Variants in ZKSCAN5 observed in about 807,000 individuals in gnomAD.
ZKSCAN5 encodes zinc finger protein with KRAB and SCAN domains 5.
A neutral mutation model predicts 60.0 loss-of-function variants in ZKSCAN5; 28 were observed. The ratio of observed to expected loss-of-function variants is 0.47; its 90% CI spans 0.35 to 0.64. ZKSCAN5 has a LOEUF of 0.64. Ranked by LOEUF, ZKSCAN5 falls within the 30% of genes least tolerant of loss-of-function variation. The pLI is 0.01. For missense variants in ZKSCAN5, 881 were observed against 1,034.6 expected (o/e 0.85, Z 2.04); for synonymous variants, 361 against 371.2 (o/e 0.97, Z 0.31).
chr7:99,528,431 C>T (rs1314380876), intron 6 of ZKSCAN5, among the ~76,000 whole-genome samples: 4 of 151,972 alleles, frequency 2.6e-5, no homozygotes, highest in African/African-American at 4.8e-5. Flanking sequence ...GGGGCGGGGG[C>T]GTTTTTGTAT....
rs770300543 is a variant in ZKSCAN5, at chr7:99,526,300, C to T, written c.1260C>T (p.His420=). The T allele has an allele frequency of 3.1e-6, 5 of 1,612,446 alleles. No homozygotes were observed. Among genetic ancestry groups the T allele is most frequent in the Non-Finnish European group, 4.2e-6 (5 of 1,180,022 alleles). The change falls in exon 6 of 7, where the codon CAC becomes CAT. Residue 420 remains histidine, a synonymous_variant. Coordinates refer to ENST00000326775, the MANE Select transcript of ZKSCAN5 (RefSeq NM_145102.4). ...AFRVSSHLVQ[H]HSVHSGERPY... ...GGGTGAGTTCCCACCTGGTTCAGCACCACAGTGTCCACAGCGGAGAGAGGC... is the reference window on the plus strand; with the variant it reads ...GGGTGAGTTCCCACCTGGTTCAGCATCACAGTGTCCACAGCGGAGAGAGGC...
rs1434672162 is a variant in ZKSCAN5, at chr7:99,531,940, A to G, written c.2211A>G (p.Arg737=). Residue 737 remains arginine (R), a synonymous_variant, in exon 7 of 7, where the codon AGA becomes AGG. Coordinates refer to ENST00000326775, the MANE Select transcript of ZKSCAN5 (RefSeq NM_145102.4). ...GYSSDLIQHY[R]THTAEKPYQC... ...GCTCAGACCTCATTCAGCATTACAGAACTCATACAGCAGAGAAGCCCTATC... is the reference window on the plus strand; with the variant it reads ...GCTCAGACCTCATTCAGCATTACAGGACTCATACAGCAGAGAAGCCCTATC... 1 of 1,614,202 alleles carries G rather than the reference A, an allele frequency of 6.2e-7. No homozygotes were observed. The highest frequency in any genetic ancestry group is 2.2e-5 in the East Asian group (1 of 44,888).
At chr7:99,506,767 C>G (rs1020219197) in intron 2 of ZKSCAN5, among the ~76,000 whole-genome samples, 1 of 152,168 alleles carries the variant, frequency 6.6e-6, no homozygotes, top group Admixed American at 6.5e-5. Context: ...ACTGCAAGCT[C>G]CGCCTCCCGG....
intron 2 of ZKSCAN5, among the ~76,000 whole-genome samples, chr7:99,506,713 C>T (rs535876077): frequency 2.0e-5 from 3 of 152,306 alleles, no homozygotes; most frequent in Admixed American, 6.5e-5. Context: ...GACGGAGTCT[C>T]GCTCTGTCGC....
Position 99,531,238 on chromosome 7 carries a change from C to T in ZKSCAN5, c.1509C>T (p.Gly503=), listed in dbSNP as rs1382231178. 5 of 1,613,982 alleles carry T rather than the reference C, an allele frequency of 3.1e-6. No individual in the cohort carries two copies. Among genetic ancestry groups the T allele is most frequent in the East Asian group, 2.2e-5 (1 of 44,902 alleles). ...CTCAAGTTCAAGATTTTGGAGAAGG[C>T]TGTGAGTTTCAAGGCAAGCTGGATA... ...NVSQVQDFGE[G]CEFQGKLDRK... Residue 503 remains glycine, a synonymous_variant, in exon 7 of 7, where the codon GGC becomes GGT. Transcript: ENST00000326775.
At chr7:99,528,946 G>A (rs2151117193) in intron 6 of ZKSCAN5, among the ~76,000 whole-genome samples, 1 of 152,182 alleles carries the variant, frequency 6.6e-6, no homozygotes, top group South Asian at 2.1e-4. Flanking sequence ...GAAAACTGAG[G>A]CTAGAATGTT....
At chr7:99,509,868 A>T (rs1800938538) in intron 2 of ZKSCAN5, among the ~76,000 whole-genome samples, 1 of 152,106 alleles carries the variant, frequency 6.6e-6, no homozygotes, top group African/African-American at 2.4e-5. Flanking sequence ...AACAATAAGC[A>T]TTGTGTCTGT....
At chr7:99,510,157 C>T (rs1422360543) in intron 2 of ZKSCAN5, among the ~76,000 whole-genome samples, 1 of 151,934 alleles carries the variant, frequency 6.6e-6, no homozygotes. Flanking sequence ...TGGTCTGGAA[C>T]TCCTGGGCTC....
At chr7:99,520,339 G>T (rs766617119) in intron 5 of ZKSCAN5, 35 bp downstream of exon 5, 50 of 1,566,908 alleles carry the variant, frequency 3.2e-5, no homozygotes, top group Non-Finnish European at 8.6e-7. Context: ...ATTAGGACAT[G>T]TTTATTTTGT....
chr7:99,531,610 C>T lies in ZKSCAN5; in HGVS notation c.1881C>T (p.His627=). The T allele has an allele frequency of 6.2e-7, 1 of 1,614,202 alleles. No homozygotes were observed. Among genetic ancestry groups the T allele is most frequent in the Admixed American group, 1.7e-5 (1 of 60,014 alleles). Residue 627 remains histidine, a synonymous_variant, in exon 7 of 7, where the codon CAC becomes CAT. Coordinates refer to ENST00000326775, the MANE Select transcript of ZKSCAN5 (RefSeq NM_145102.4). ...RSHLVQHQSV[H]SGERPFKCNE... ...ACCTTGTTCAGCATCAGAGCGTGCA[C>T]AGTGGGGAGAGACCCTTCAAGTGTA...
chr7:99,524,051 T>C, intron 5 of ZKSCAN5, among the ~76,000 whole-genome samples: 1 of 150,732 alleles, frequency 6.6e-6, no homozygotes. Flanking sequence ...ACATTCTTAA[T>C]AGGCCATGAT....
At chr7:99,506,599 C>A in intron 2 of ZKSCAN5, 141 bp downstream of exon 2, 1 of 995,026 alleles carries the variant, frequency 1.0e-6, no homozygotes, top group Non-Finnish European at 1.4e-6. Flanking sequence ...CTTCCTGCCA[C>A]TCCAGCAAAG....
intron 6 of ZKSCAN5, 96 bp from the exon 7 acceptor site, chr7:99,531,012 G>A (rs914127566): frequency 2.7e-5 from 30 of 1,123,372 alleles, no homozygotes; most frequent in South Asian, 6.3e-5. Context: ...AGCCGAGATC[G>A]CATCATTGCA....
intron 2 of ZKSCAN5, among the ~76,000 whole-genome samples, chr7:99,512,235 A>T (rs1801067639): frequency 6.6e-6 from 1 of 152,116 alleles, no homozygotes; most frequent in South Asian, 2.1e-4. Flanking sequence ...CCAGTTTGTA[A>T]TTATGTATTT....
chr7:99,525,826 G>C lies in ZKSCAN5; in HGVS notation c.786G>C (p.Arg262Ser), dbSNP rs1382435422. The change falls in exon 6 of 7, where the codon AGG becomes AGC. Residue 262 changes from arginine (R) to serine (S), a missense_variant. This residue lies in a region of ZKSCAN5 where 490 missense variants were observed against 554.5 expected (regional missense o/e 0.88). Transcript: ENST00000326775. The part of the protein sequence containing the change: ...GSITSMGYES[R>S]DNMELIVKQI... ...CTGTTATTTCAGGTTATGAGTCCAG[G>C]GACAATATGGAGCTCATAGTGAAGC... 1 of 1,609,676 alleles carries C rather than the reference G, an allele frequency of 6.2e-7. No individual in the cohort carries two copies. The highest frequency in any genetic ancestry group is 8.5e-7 in the Non-Finnish European group (1 of 1,176,612).
chr7:99,509,516 G>T (rs2151095473), intron 2 of ZKSCAN5, among the ~76,000 whole-genome samples: 1 of 151,502 alleles, frequency 6.6e-6, no homozygotes, highest in African/African-American at 2.4e-5. Flanking sequence ...GCCTAGGCTG[G>T]AGTGCAGTGG....
At chr7:99,526,782 T>C (rs1801814856) in intron 6 of ZKSCAN5, among the ~76,000 whole-genome samples, 1 of 152,224 alleles carries the variant, frequency 6.6e-6, no homozygotes, top group Non-Finnish European at 1.5e-5. Flanking sequence ...TTTGAACTCC[T>C]GACCTCAGGC....
At chr7:99,512,400 C>CT in intron 2 of ZKSCAN5, 53 bp from the exon 3 acceptor site, 1 of 1,561,548 alleles carries the variant, frequency 6.4e-7, no homozygotes, top group Non-Finnish European at 8.7e-7. Flanking sequence ...CTACTGATTT[C>CT]TTTCGTGGCC....
Position 99,532,449 on chromosome 7 carries a change from C to T in ZKSCAN5, c.*200C>T. 1 of 453,960 alleles carries T rather than the reference C, an allele frequency of 2.2e-6. No homozygotes were observed. Among genetic ancestry groups the T allele is most frequent in the Non-Finnish European group, 3.8e-6 (1 of 264,292 alleles). 28.1% of individuals were successfully genotyped at this position (453,960 alleles called of 1,614,324 possible). ...TTTTCGTGTTCCCCATTGAGAAATG[C>T]TTTAGTTAGCATCTTCATGCTTGGA... On this transcript the variant is annotated 3_prime_UTR_variant, in exon 7 of 7. Coordinates refer to ENST00000326775, the MANE Select transcript of ZKSCAN5 (RefSeq NM_145102.4).
Sources: gnomAD v4.1 joint callset for allele counts (sites outside exome capture counted in the v4.1 genomes callset) on GRCh38, gnomAD v4.1.1 for gene constraint, gnomAD v4.1.1 regional missense constraint, MANE v1.5 for transcripts, NCBI Gene and HGNC (gene_info 2026-07-23, HGNC 2026-07-21) for gene names.